AHCYL2: variants seen among roughly 807,000 people sequenced by gnomAD.
The protein encoded by AHCYL2 is adenosylhomocysteinase like 2.
In AHCYL2, 28 loss-of-function variants were observed where a neutral mutation model predicts 81.4. The observed-to-expected ratio is 0.34, with a 90% CI of 0.25 to 0.47. The LOEUF is 0.47. AHCYL2 is among the 20% of genes least tolerant of loss of function. The probability of loss-of-function intolerance (pLI) is 1.00; values close to 1 mark genes in which losing one functional copy is unlikely to be tolerated. For synonymous variants in AHCYL2, 272 were observed against 290.2 expected (o/e 0.94, Z 0.64); for missense variants, 551 against 785.1 (o/e 0.70, Z 3.56).
At chr7:129,337,812 T>C in intron 1 of AHCYL2, among the ~76,000 whole-genome samples, 1 of 152,136 alleles carries the variant, frequency 6.6e-6, no homozygotes, top group East Asian at 1.9e-4. Context: ...GGCACAATCC[T>C]GGCTCACTGC....
At chr7:129,397,373 A>T (rs1795795236) in intron 5 of AHCYL2, 49 bp downstream of exon 5, 2 of 1,530,082 alleles carry the variant, frequency 1.3e-6, no homozygotes, top group Non-Finnish European at 1.8e-6. Flanking sequence ...CTATTTGGAG[A>T]CTTACTTTAT....
At chr7:129,349,083 C>A (rs1420839867) in intron 1 of AHCYL2, among the ~76,000 whole-genome samples, 6 of 152,296 alleles carry the variant, frequency 3.9e-5, no homozygotes, top group African/African-American at 1.4e-4. Context: ...CTAAATATAT[C>A]ATGTCTAGGC....
chr7:129,362,597 GTTTTTTTTTT>G (rs769346623), intron 1 of AHCYL2, among the ~76,000 whole-genome samples: 16 of 63,642 alleles, frequency 2.5e-4, no homozygotes, highest in African/African-American at 7.5e-4. Flanking sequence ...TGGTTTTCTT[GTTTTTTTTTT>G]TTTTTTTTTT....
chr7:129,389,216 C>A lies in AHCYL2; in HGVS notation c.619+17C>A. ...CTGAACAAGGTAAAGAAAACAAGCA[C>A]CTTTTCCTTCTTAACCTACCTGTGT... On this transcript the variant is annotated intron_variant, in intron 3 of 16. Coordinates refer to ENST00000325006, the MANE Select transcript of AHCYL2 (RefSeq NM_015328.4). The A allele has an allele frequency of 6.2e-7, 1 of 1,613,580 alleles. No individual in the cohort carries two copies. The highest frequency in any genetic ancestry group is 8.5e-7 in the Non-Finnish European group (1 of 1,179,694).
intron 1 of AHCYL2, among the ~76,000 whole-genome samples, chr7:129,284,670 A>G (rs974099240): frequency 2.0e-5 from 3 of 151,624 alleles, no homozygotes; most frequent in Admixed American, 6.6e-5. Context: ...ATTCTCACAT[A>G]TGGGAGTATG....
chr7:129,417,101 G>A (rs1796894522), intron 12 of AHCYL2, among the ~76,000 whole-genome samples: 1 of 152,124 alleles, frequency 6.6e-6, no homozygotes, highest in Non-Finnish European at 1.5e-5. Flanking sequence ...CACCAGCCTG[G>A]GTGACAGAGT....
In AHCYL2 at chr7:129,370,973, A is replaced by G. The variant is rs144153336; in HGVS notation, c.364-8665A>G. On this transcript the variant is annotated intron_variant, in intron 1 of 16. Coordinates refer to ENST00000325006, the MANE Select transcript of AHCYL2 (RefSeq NM_015328.4). The stretch of plus-strand genomic sequence containing the variant: ...TCATTGACTCCTGACTTGGTCTGAA[A>G]GTACTTCATTAGGTTGCTACTGATA... Among the ~76,000 whole-genome samples, 509 of 152,324 alleles carry G rather than the reference A, an allele frequency of 3.3e-3. 1 individual carries two copies. The highest frequency in any genetic ancestry group is 0.012 in the African/African-American group (479 of 41,574).
rs147488238 is a variant in AHCYL2, at chr7:129,272,307, C to A, written c.363+46868C>A. Among the ~76,000 whole-genome samples, 673 of 152,310 alleles carry A rather than the reference C, an allele frequency of 4.4e-3. 1 individual carries two copies. Among genetic ancestry groups the A allele is most frequent in the Non-Finnish European group, 7.9e-3 (535 of 68,024 alleles). ...AGTTATCCTCAATCAATGGAGCCAC[C>A]TTACCTGAGGCCCCAGATGTTATAG... On this transcript the variant is annotated intron_variant, in intron 1 of 16. Coordinates refer to ENST00000325006, the MANE Select transcript of AHCYL2 (RefSeq NM_015328.4).
Position 129,311,264 on chromosome 7 carries a change from C to T in AHCYL2, c.364-68374C>T, listed in dbSNP as rs932142338. Among the ~76,000 whole-genome samples, 7 of 152,134 alleles carry T rather than the reference C, an allele frequency of 4.6e-5. No individual in the cohort carries two copies. The East Asian group carries it at 5.8e-4, about 13-fold the overall frequency. ...AACATGATTCAAAGCATGAATAGGA[C>T]GATTGGCCTTATTTACATAGAAACA... On this transcript the variant is annotated intron_variant, in intron 1 of 16. Coordinates refer to ENST00000325006, the MANE Select transcript of AHCYL2 (RefSeq NM_015328.4).
At chr7:129,268,002 G>T (rs139127806) in intron 1 of AHCYL2, among the ~76,000 whole-genome samples, 1 of 151,802 alleles carries the variant, frequency 6.6e-6, no homozygotes, top group East Asian at 2.0e-4. Context: ...AATAGAGAGA[G>T]AGGAAAGTGA....
At chr7:129,386,043 C>T (rs1795184991) in intron 2 of AHCYL2, among the ~76,000 whole-genome samples, 1 of 151,956 alleles carries the variant, frequency 6.6e-6, no homozygotes, top group Admixed American at 6.6e-5. Context: ...ATAACCTTTC[C>T]ACTGTGTTTG....
intron 4 of AHCYL2, among the ~76,000 whole-genome samples, chr7:129,396,121 T>G (rs572239819): frequency 1.6e-4 from 24 of 152,130 alleles, no homozygotes; most frequent in Non-Finnish European, 2.6e-4. Context: ...TTTATTTGTT[T>G]GTTTGTTTTG....
chr7:129,302,350 T>C (rs1380204836), intron 1 of AHCYL2, among the ~76,000 whole-genome samples: 2 of 151,234 alleles, frequency 1.3e-5, no homozygotes, highest in Non-Finnish European at 2.9e-5. Flanking sequence ...TGAGTGCCCT[T>C]ATATCTTTCT....
Position 129,379,621 on chromosome 7 carries a change from A to G in AHCYL2, c.364-17A>G, listed in dbSNP as rs1794855640. On this transcript the variant is annotated splice_polypyrimidine_tract_variant and intron_variant, in intron 1 of 16. Transcript: ENST00000325006. ...GGAGGTTCTTTTTCTTTATATAACT[A>G]GGTTTCTTTTTCTTAGCAGATCCAG... The G allele has an allele frequency of 1.2e-6, 2 of 1,600,838 alleles. No homozygotes were observed. Among genetic ancestry groups the G allele is most frequent in the African/African-American group, 1.3e-5 (1 of 74,158 alleles).
chr7:129,413,663 G>A lies in AHCYL2; in HGVS notation c.1436G>A (p.Gly479Glu), dbSNP rs1403986905. The A allele has an allele frequency of 1.9e-6, 3 of 1,614,060 alleles. No homozygotes were observed. The highest frequency in any genetic ancestry group is 1.7e-6 in the Non-Finnish European group (2 of 1,180,000). Residue 479 changes from glycine to glutamate, a missense_variant, in exon 12 of 17, where the codon GGA (glycine) becomes GAA (glutamate). Physicochemically the swap from Gly to Glu is moderately conservative, Grantham distance 98. Around this residue, in one of 2 missense-constraint regions of AHCYL2, gnomAD observed 316 missense variants for 543.1 expected, o/e 0.58. Transcript: ENST00000325006. ...AATAGCTGCATCGTTTGTAACATGG[G>A]ACATTCCAACACAGAGATTGACGTG... The part of the protein sequence containing the change: ...MKNSCIVCNM[G>E]HSNTEIDVAS...
intron 5 of AHCYL2, among the ~76,000 whole-genome samples, chr7:129,397,661 A>T (rs1192774713): frequency 6.6e-6 from 1 of 152,220 alleles, no homozygotes; most frequent in Non-Finnish European, 1.5e-5. Context: ...CTTCAGCCAT[A>T]GTTTTGTGAC....
At chr7:129,403,616 C>G (rs1180769977) in intron 7 of AHCYL2, 131 bp downstream of exon 7, 5 of 412,044 alleles carry the variant, frequency 1.2e-5, no homozygotes, top group Non-Finnish European at 2.1e-5. Flanking sequence ...GTAATCCCAG[C>G]ACTTTGGGAG....
rs943515818 is a variant in AHCYL2 at position 129,419,634 on chromosome 7, A to G, written c.1462-3206A>G. ...TAAGCTTCACAATTCAGGTGGTCAAACCAGTAAGTACATAGGCTTTAAACA... is the reference window on the plus strand; with the variant it reads ...TAAGCTTCACAATTCAGGTGGTCAAGCCAGTAAGTACATAGGCTTTAAACA... On this transcript the variant is annotated intron_variant, in intron 12 of 16. Coordinates refer to ENST00000325006, the MANE Select transcript of AHCYL2 (RefSeq NM_015328.4). This position sits in a 1 kb window ranked among gnomAD's most constrained non-coding sequence, Gnocchi z 4.7. Among the ~76,000 whole-genome samples the G allele has an allele frequency of 6.6e-6, 1 of 152,164 alleles. No individual in the cohort carries two copies. Among genetic ancestry groups the G allele is most frequent in the Non-Finnish European group, 1.5e-5 (1 of 68,026 alleles).
chr7:129,375,782 C>T, intron 1 of AHCYL2: 5 of 1,522,288 alleles, frequency 3.3e-6, no homozygotes, highest in Non-Finnish European at 4.4e-6. Context: ...GAACCAGAGC[C>T]AACAGAATTG....
Sources: gnomAD v4.1 joint callset for allele counts (sites outside exome capture counted in the v4.1 genomes callset) on GRCh38, gnomAD v4.1.1 for gene constraint, gnomAD v4.1.1 regional missense constraint, Gnocchi (gnomAD v3.1) non-coding constraint, MANE v1.5 for transcripts, NCBI Gene and HGNC (gene_info 2026-07-23, HGNC 2026-07-21) for gene names.